The following ADGRA3 variants were observed in gnomAD, a reference collection of about 807,000 sequenced individuals.
ADGRA3 encodes the protein adhesion G protein-coupled receptor A3, also known as G-protein coupled receptor 125.
In ADGRA3, 56 loss-of-function variants were observed where a neutral mutation model predicts 119.8. The ratio of observed to expected loss-of-function variants is 0.47; its 90% CI spans 0.38 to 0.58. The LOEUF is 0.58. Among genes scored for constraint, ADGRA3 ranks in the 20% least tolerant of loss-of-function variants. The pLI, the probability that ADGRA3 is intolerant of heterozygous loss-of-function variation, is 0.00. For synonymous variants in ADGRA3, 607 were observed against 623.8 expected, an observed-to-expected ratio of 0.97 and a Z score of 0.40; for missense variants, 1,516 against 1,649.0, an observed-to-expected ratio of 0.92 and a Z score of 1.40.
At chr4:22,473,517 T>C (rs1717929027) in intron 2 of ADGRA3, among the ~76,000 whole-genome samples, 1 of 152,220 alleles carries the variant, frequency 6.6e-6, no homozygotes, top group Admixed American at 6.5e-5. Flanking sequence ...TAAGGCTGCA[T>C]TCACACTTCA....
chr4:22,464,952 G>A (rs1717603397), intron 2 of ADGRA3, among the ~76,000 whole-genome samples: 1 of 152,252 alleles, frequency 6.6e-6, no homozygotes, highest in African/African-American at 2.4e-5. Context: ...CTCACCTGGG[G>A]ACCTGCTTCT....
intron 16 of ADGRA3, among the ~76,000 whole-genome samples, chr4:22,400,608 T>C (rs1031427455): frequency 6.6e-6 from 1 of 152,168 alleles, no homozygotes; most frequent in East Asian, 1.9e-4. Flanking sequence ...AAGTTCTAGG[T>C]ATCTGCTGTA....
chr4:22,392,923 AT>A (rs1714196380), intron 16 of ADGRA3: 1 of 447,294 alleles, frequency 2.2e-6, no homozygotes, highest in South Asian at 4.0e-5. Context: ...ACAAACTACC[AT>A]TTATACCAAA....
At chr4:22,420,617 T>C (rs35426712) in intron 12 of ADGRA3, 27,966 of 532,852 alleles carry the variant, frequency 0.052, 1,513 homozygotes, top group East Asian at 0.21. Context: ...AACAATAGTA[T>C]ATTTGCATTT....
chr4:22,459,622 G>A (rs1717370138), intron 3 of ADGRA3, among the ~76,000 whole-genome samples: 1 of 151,252 alleles, frequency 6.6e-6, no homozygotes, highest in Admixed American at 6.6e-5. Context: ...AAATACTACA[G>A]AAAACCAGTA....
intron 3 of ADGRA3, chr4:22,455,723 T>C: frequency 1.2e-6 from 1 of 803,152 alleles, no homozygotes; most frequent in South Asian, 1.7e-5. Flanking sequence ...CACAATTTTA[T>C]TTTTACATTT....
chr4:22,453,100 G>T (rs1452975206), intron 4 of ADGRA3, among the ~76,000 whole-genome samples: 3 of 151,686 alleles, frequency 2.0e-5, no homozygotes, highest in Admixed American at 6.6e-5. Context: ...TACTCGCAAG[G>T]CTGAGGCAGA....
rs1719059057 is a variant in ADGRA3 at position 22,501,889 on chromosome 4, C to T, written c.257+13639G>A. ...TAGCTAAGCTGATGGACAAGTTTTT[C>T]AACTTTATCCCTGAGGGAAGAACTC... On this transcript the variant is annotated intron_variant, in intron 1 of 18. Transcript: ENST00000334304. Among the ~76,000 whole-genome samples the T allele has an allele frequency of 1.3e-5, 2 of 150,396 alleles. 1 individual carries two copies. The highest frequency in any genetic ancestry group is 1.3e-4 in the Admixed American group (2 of 15,006).
chr4:22,395,009 T>A (rs1714291650), intron 16 of ADGRA3: 1 of 152,202 alleles, frequency 6.6e-6, no homozygotes, highest in East Asian at 1.9e-4. Flanking sequence ...TCACACTTTG[T>A]CTACATGAAA....
intron 1 of ADGRA3, among the ~76,000 whole-genome samples, chr4:22,508,416 GAAA>G (rs1211422852): frequency 6.6e-6 from 1 of 152,200 alleles, no homozygotes; most frequent in Non-Finnish European, 1.5e-5. Context: ...ACCCTTGGAT[GAAA>G]GCATCATGTC....
At chr4:22,509,957 C>A (rs1458893334) in intron 1 of ADGRA3, among the ~76,000 whole-genome samples, 1 of 149,140 alleles carries the variant, frequency 6.7e-6, no homozygotes, top group Non-Finnish European at 1.5e-5. Context: ...TTGCAGTGAG[C>A]CGAGATCGCG....
At chr4:22,502,724 GA>G (rs1057466757) in intron 1 of ADGRA3, among the ~76,000 whole-genome samples, 20 of 146,254 alleles carry the variant, frequency 1.4e-4, no homozygotes, top group Admixed American at 2.7e-4. Flanking sequence ...ATCAAGAAAT[GA>G]AAAAAAAAAA....
Position 22,436,580 on chromosome 4 carries a change from T to C in ADGRA3, c.1147A>G (p.Ser383Gly). Residue 383 changes from serine (S) to glycine (G), a missense_variant, in exon 9 of 19, where the codon AGT becomes GGT. Physicochemically the swap from Ser to Gly is moderately conservative, Grantham distance 56. Transcript: ENST00000334304. ...TGTGGGTTTCCGGGATATATCCCAC[T>C]GCCATGGGTGTTCCGCGTACACTGC... ...YLQCTRNTHG[S>G]GIYPGNPQDE... 1 of 1,614,098 alleles carries C rather than the reference T, an allele frequency of 6.2e-7. No homozygotes were observed. The highest frequency in any genetic ancestry group is 8.5e-7 in the Non-Finnish European group (1 of 1,179,968).
intron 1 of ADGRA3, among the ~76,000 whole-genome samples, chr4:22,488,566 G>T (rs1011923817): frequency 5.9e-5 from 9 of 151,840 alleles, no homozygotes; most frequent in Non-Finnish European, 1.2e-4. Flanking sequence ...GCGTGAAGAG[G>T]GCCATGGGAG....
Position 22,515,478 on chromosome 4 carries a change from A to G in ADGRA3, c.257+50T>C, listed in dbSNP as rs376854264. Reference sequence around the variant, plus strand: ...CCCTGCTCCAAAGTTGAGCGGAGAGATAAGAAAGAGCCGAGCGGGAGAGGA... The same window carrying G: ...CCCTGCTCCAAAGTTGAGCGGAGAGGTAAGAAAGAGCCGAGCGGGAGAGGA... On this transcript the variant is annotated intron_variant, in intron 1 of 18. Transcript: ENST00000334304. 4.0e-5 allele frequency: 63 copies of G among 1,577,222 alleles called. No individual in the cohort carries two copies. In the Middle Eastern group the frequency reaches 2.0e-3, roughly 51 times the overall value.
In ADGRA3 at chr4:22,453,042, C is replaced by CA. The variant is rs1367762676; in HGVS notation, c.473+1823dup. 3.5e-3 allele frequency among the ~76,000 whole-genome samples: 505 copies of CA among 145,840 alleles called. 3 individuals are homozygous for CA. Among genetic ancestry groups the CA allele is most frequent in the African/African-American group, 0.012 (474 of 39,862 alleles). On this transcript the variant is annotated intron_variant, in intron 4 of 18. Transcript: ENST00000334304. ...CAAAACCCCATCTCTACTAAAAATA[C>CA]AAAAAAAAAATTAGCCGGGCGTGGT...
intron 4 of ADGRA3, among the ~76,000 whole-genome samples, chr4:22,452,127 C>T (rs563323725): frequency 2.6e-5 from 4 of 152,286 alleles, no homozygotes; most frequent in African/African-American, 9.6e-5. Flanking sequence ...AAGAAGTTTC[C>T]TTAATTGCCA....
At chr4:22,473,191 T>A (rs1231740790) in intron 2 of ADGRA3, 3 of 152,202 alleles carry the variant, frequency 2.0e-5, no homozygotes, top group African/African-American at 7.2e-5. Context: ...GAGGCCTCCT[T>A]AGAAGCCGAG....
At chr4:22,415,850 T>C (rs1277740347) in intron 12 of ADGRA3, among the ~76,000 whole-genome samples, 3 of 151,646 alleles carry the variant, frequency 2.0e-5, no homozygotes, top group East Asian at 1.9e-4. Context: ...AAAAAAACAA[T>C]GTACAAAAAA....
Sources: allele counts gnomAD v4.1 joint callset (sites outside exome capture counted in the v4.1 genomes callset), GRCh38; gene constraint gnomAD v4.1.1; transcripts MANE v1.5; gene names NCBI Gene and HGNC (gene_info 2026-07-23, HGNC 2026-07-21).